PDCD2: variants seen among roughly 807,000 people sequenced by gnomAD.
PDCD2 encodes uS5 assembly chaperone PDCD2.
In PDCD2, 38 loss-of-function variants were observed where a neutral mutation model predicts 38.1. The ratio of observed to expected loss-of-function variants is 1.00; its 90% CI spans 0.77 to 1.31. The LOEUF (loss-of-function observed/expected upper bound fraction) is 1.31, where lower values mean the gene tolerates loss of function less well. Ranked by LOEUF, PDCD2 falls within the 50% of genes most tolerant of loss-of-function variation. The pLI is 0.00. For synonymous variants in PDCD2, 205 were observed against 168.9 expected, an observed-to-expected ratio of 1.21 and a Z score of -1.66; for missense variants, 473 against 435.7, an observed-to-expected ratio of 1.09 and a Z score of -0.76.
In PDCD2 at chr6:170,576,768, G is replaced by C. The variant is rs1426814367; in HGVS notation, c.*791C>G. 1.3e-5 allele frequency: 2 copies of C among 152,228 alleles called. No individual in the cohort carries two copies. The highest frequency in any genetic ancestry group is 2.9e-5 in the Non-Finnish European group (2 of 68,068). The allele number at this position is 152,228 out of a possible 1,614,324, so 9.4% of individuals were successfully genotyped here. A position where few individuals can be genotyped will look rare whatever the true frequency, so the allele number is the denominator to read the frequency against. On this transcript the variant is annotated 3_prime_UTR_variant, in exon 6 of 6. Transcript: ENST00000541970. ...GGAACCTGTATACAATGCTGACACG[G>C]AAAGGGAAGACCATCGCCTTTTGCC...
intron 1 of PDCD2, 90 bp downstream of exon 1, chr6:170,584,209 G>T (rs1779728021): frequency 8.0e-7 from 1 of 1,254,062 alleles, no homozygotes; most frequent in Non-Finnish European, 1.0e-6. Context: ...CGGCAGCGGT[G>T]CTTGCCGCCG....
intron 3 of PDCD2, chr6:170,582,693 A>C: frequency 2.5e-6 from 3 of 1,210,018 alleles, no homozygotes; most frequent in Non-Finnish European, 3.1e-6. Flanking sequence ...GGCCAGATGA[A>C]AGAGAAACTT....
Position 170,583,513 on chromosome 6 carries a change from G to A in PDCD2, c.518C>T (p.Ala173Val), listed in dbSNP as rs772263336. The change falls in exon 2 of 6, where the codon GCA becomes GTA. Residue 173 changes from alanine (A) to valine (V), a missense_variant. By Grantham distance (64) the Ala-to-Val change is moderately conservative. Transcript: ENST00000541970. ...AAAAAAAGATTACCCACCTGGTTGT[G>A]CACAAGCCTGCTTATGTCCCAATCT... ...DWRLGHKQAC[A>V]QPDHLDHIIP... 89 of 1,608,326 alleles carry A rather than the reference G, an allele frequency of 5.5e-5. No individual in the cohort carries two copies. The highest frequency in any genetic ancestry group is 7.2e-5 in the Non-Finnish European group (85 of 1,175,636).
intron 3 of PDCD2, chr6:170,581,867 G>C (rs1363260867): frequency 9.5e-6 from 3 of 316,850 alleles, no homozygotes; most frequent in Non-Finnish European, 1.8e-5. Flanking sequence ...TCTTAGTGTG[G>C]TTATATGACT....
At chr6:170,581,610 G>C (rs1302952113) in intron 3 of PDCD2, 1 of 154,424 alleles carries the variant, frequency 6.5e-6, no homozygotes, top group East Asian at 1.9e-4. Context: ...TCCTTTTAGA[G>C]AGAAATGGTA....
chr6:170,582,921 G>A (rs528278929), intron 3 of PDCD2, 136 bp downstream of exon 3: 38 of 1,490,182 alleles, frequency 2.6e-5, no homozygotes, highest in Non-Finnish European at 3.4e-5. Flanking sequence ...TTTTACCTGA[G>A]GCAATATCTG....
chr6:170,579,789 G>A (rs141339482), intron 4 of PDCD2: 8 of 446,822 alleles, frequency 1.8e-5, no homozygotes, highest in African/African-American at 5.9e-5. Context: ...ATAACCTTTA[G>A]TCTTTTAGTA....
chr6:170,582,051 A>ATT (rs1779621273), intron 3 of PDCD2: 1 of 1,448,570 alleles, frequency 6.9e-7, no homozygotes, highest in African/African-American at 1.4e-5. Flanking sequence ...TCTCCTAAAG[A>ATT]TAAGCATTTT....
intron 3 of PDCD2, chr6:170,581,441 G>A (rs949166672): frequency 6.6e-6 from 1 of 152,062 alleles, no homozygotes; most frequent in Non-Finnish European, 1.5e-5. Flanking sequence ...TGTTCAAACT[G>A]TCCATCTTTT....
chr6:170,580,800 G>A (rs1779573763), intron 3 of PDCD2, among the ~76,000 whole-genome samples: 1 of 152,176 alleles, frequency 6.6e-6, no homozygotes, highest in Non-Finnish European at 1.5e-5. Context: ...ACAGACCCGT[G>A]TCTCTAAGTA....
rs1779519946 is a variant in PDCD2 at position 170,578,910 on chromosome 6, C to A, written c.823G>T (p.Glu275Ter). 1.2e-6 allele frequency: 2 copies of A among 1,608,028 alleles called. No homozygotes were observed. ...IWISGENIPQ[E>*]KDIPDCPCGA... The stretch of plus-strand genomic sequence containing the variant: ...CAGGGGCAATCTGGAATATCCTTTT[C>A]TTGAGGAATATTTTCACCAGAAATC... The change falls in exon 5 of 6, where the codon GAA becomes TAA. Residue 275 changes from glutamate to a stop codon, truncating the protein, a stop_gained. Transcript: ENST00000541970. LOFTEE classifies it high-confidence loss of function.
intron 2 of PDCD2, 116 bp from the exon 3 acceptor site, chr6:170,583,304 ATAAAT>A (rs1253766369): frequency 6.6e-6 from 6 of 915,718 alleles, no homozygotes; most frequent in Middle Eastern, 2.6e-4. Context: ...ATAAAGGGTC[ATAAAT>A]TAAATGCCTA....
rs1162268290 is a variant in PDCD2 at position 170,583,452 on chromosome 6, G to T, written c.526+53C>A. The T allele has an allele frequency of 1.5e-5, 23 of 1,558,250 alleles. No homozygotes were observed. In the East Asian group the frequency reaches 5.2e-4, roughly 36 times the overall value. ...CTTTAAAGTTGTCCTGGAAATATCTGGGTTGACAAAGGCGATGAAACTGAA... is the reference window on the plus strand; with the variant it reads ...CTTTAAAGTTGTCCTGGAAATATCTTGGTTGACAAAGGCGATGAAACTGAA... On this transcript the variant is annotated intron_variant, in intron 2 of 5. Transcript: ENST00000541970.
chr6:170,583,131 A>G lies in PDCD2; in HGVS notation c.584T>C (p.Val195Ala). ...CATAATCTCATCTTCTGTTTCTATTACAATTTCAAATTCTGGAAAAAGGAA... is the reference window on the plus strand; with the variant it reads ...CATAATCTCATCTTCTGTTTCTATTGCAATTTCAAATTCTGGAAAAAGGAA... Reference protein sequence around the residue: ...HNFLFPEFEIVIETEDEIMPE... With the variant: ...HNFLFPEFEIAIETEDEIMPE... The change falls in exon 3 of 6, where the codon GTA becomes GCA. Residue 195 changes from valine (V) to alanine (A), a missense_variant. By Grantham distance (64) the Val-to-Ala change is moderately conservative. Transcript: ENST00000541970. The G allele has an allele frequency of 6.2e-7, 1 of 1,613,240 alleles. No individual in the cohort carries two copies. The highest frequency in any genetic ancestry group is 2.2e-5 in the East Asian group (1 of 44,862).
At chr6:170,577,934 A>T (rs1779489357) in intron 5 of PDCD2, among the ~76,000 whole-genome samples, 1 of 152,236 alleles carries the variant, frequency 6.6e-6, no homozygotes. Context: ...TTTGAGAAAG[A>T]AGTTCACAAG....
chr6:170,581,941 A>G (rs1248869015), intron 3 of PDCD2: 1 of 481,520 alleles, frequency 2.1e-6, no homozygotes, highest in Non-Finnish European at 3.5e-6. Context: ...TTACTCCATA[A>G]TCTTAAAATA....
At chr6:170,581,931 TTACTC>T (rs1779615558) in intron 3 of PDCD2, 1 of 438,370 alleles carries the variant, frequency 2.3e-6, no homozygotes, top group Non-Finnish European at 3.9e-6. Flanking sequence ...AAAACTTACT[TTACTC>T]CATAATCTTA....
rs1041732345 is a variant in PDCD2 at position 170,576,497 on chromosome 6, G to T, written c.*1062C>A. The T allele has an allele frequency of 1.3e-5, 2 of 152,226 alleles. No homozygotes were observed. The highest frequency in any genetic ancestry group is 6.5e-5 in the Admixed American group (1 of 15,290). The allele number at this position is 152,226 out of a possible 1,614,324, so 9.4% of individuals were successfully genotyped here. ...TTCAAGCACTGATCAACAGCAATGT[G>T]TCTTAAGGGCAGGCATCACTGGTGC... On this transcript the variant is annotated 3_prime_UTR_variant, in exon 6 of 6. Transcript: ENST00000541970.
intron 3 of PDCD2, chr6:170,582,179 T>C (rs956410384): frequency 9.9e-6 from 15 of 1,508,328 alleles, no homozygotes; most frequent in African/African-American, 4.1e-5. Flanking sequence ...AGTCATTATA[T>C]GGACTTTAAC....
Sources: allele counts gnomAD v4.1 joint callset (sites outside exome capture counted in the v4.1 genomes callset), GRCh38; gene constraint gnomAD v4.1.1; transcripts MANE v1.5; gene names NCBI Gene and HGNC (gene_info 2026-07-23, HGNC 2026-07-21).